The following RAD51C variants were observed in gnomAD, a reference collection of about 807,000 sequenced individuals.
The protein encoded by RAD51C is RAD51 paralog C, also known as DNA repair protein RAD51 homolog 3.
In RAD51C, 42 loss-of-function variants were observed where a neutral mutation model predicts 45.0. The observed-to-expected ratio is 0.93, with a 90% CI of 0.73 to 1.21. The LOEUF (loss-of-function observed/expected upper bound fraction) is 1.21, where lower values mean the gene tolerates loss of function less well. Ranked by LOEUF, RAD51C falls within the 50% of genes most tolerant of loss-of-function variation. RAD51C has a pLI of 0.00. For synonymous variants in RAD51C, 172 were observed against 159.8 expected (o/e 1.08, Z -0.58); for missense variants, 474 against 452.2 (o/e 1.05, Z -0.44).
chr17:58,730,378 C>T (rs2049373098), intron 7 of RAD51C, among the ~76,000 whole-genome samples: 1 of 150,646 alleles, frequency 6.6e-6, no homozygotes, highest in African/African-American at 2.4e-5. Flanking sequence ...GGGGTTTCAC[C>T]GTGTTGGCCA....
chr17:58,726,736 G>A (rs528156439), intron 7 of RAD51C, among the ~76,000 whole-genome samples: 67 of 152,134 alleles, frequency 4.4e-4, no homozygotes, highest in African/African-American at 1.5e-3. Flanking sequence ...TTGAAATAGT[G>A]TTACCAGATG....
chr17:58,704,430 G>A (rs979015218), intron 4 of RAD51C, among the ~76,000 whole-genome samples: 2 of 151,680 alleles, frequency 1.3e-5, no homozygotes, highest in South Asian at 2.1e-4. Flanking sequence ...GCGCCACAAC[G>A]CCTGGCTAAT....
rs373555932 is a variant in RAD51C, at chr17:58,706,350, G to A, written c.705+3021G>A. 15 of 181,458 alleles carry A rather than the reference G, an allele frequency of 8.3e-5. No individual in the cohort carries two copies. The South Asian group carries it at 1.0e-3, about 12-fold the overall frequency. 11.2% of individuals were successfully genotyped at this position (181,458 alleles called of 1,614,324 possible). A position where few individuals can be genotyped will look rare whatever the true frequency, so the allele number is the denominator to read the frequency against. ...GCTGAGGCAGAAGAATCACTTCAAC[G>A]CAGGAGGCAGAGGAGATTGCAGTGA... On this transcript the variant is annotated intron_variant, in intron 4 of 8. Coordinates refer to ENST00000337432, the MANE Select transcript of RAD51C (RefSeq NM_058216.3).
chr17:58,699,271 G>T (rs1317462897), intron 3 of RAD51C, among the ~76,000 whole-genome samples: 2 of 152,132 alleles, frequency 1.3e-5, no homozygotes, highest in East Asian at 3.9e-4. Context: ...CTCCCAAAGT[G>T]CTGGGATTAC....
intron 7 of RAD51C, among the ~76,000 whole-genome samples, chr17:58,728,348 T>A (rs796491114): frequency 6.6e-6 from 1 of 152,130 alleles, no homozygotes; most frequent in African/African-American, 2.4e-5. Flanking sequence ...GAAAAATAGT[T>A]ATAAAAATGA....
chr17:58,723,325 C>CT (rs1276663767), intron 6 of RAD51C, among the ~76,000 whole-genome samples: 1 of 149,062 alleles, frequency 6.7e-6, no homozygotes, highest in Admixed American at 6.7e-5. Flanking sequence ...TTTTTTTGGT[C>CT]TTTTTTCTTT....
chr17:58,720,900 T>C, intron 6 of RAD51C, 88 bp downstream of exon 6: 2 of 1,087,026 alleles, frequency 1.8e-6, no homozygotes, highest in Non-Finnish European at 2.8e-6. Flanking sequence ...ATACGCTTCA[T>C]GAAAGCAGAC....
In RAD51C at chr17:58,734,310, AAC is replaced by A; in HGVS notation, c.*93_*94del. 6.5e-7 allele frequency: 1 copy of A among 1,549,488 alleles called. No homozygotes were observed. The highest frequency in any genetic ancestry group is 8.7e-7 in the Non-Finnish European group (1 of 1,144,212). On this transcript the variant is annotated 3_prime_UTR_variant, in exon 9 of 9. Transcript: ENST00000337432. ...GACTTGTTACCTTAAAGTATAAATA[AAC>A]ACACTATGGCATGAATGAATCCAGA...
intron 8 of RAD51C, 192 bp downstream of exon 8, chr17:58,732,736 T>C: frequency 1.7e-6 from 1 of 596,936 alleles, no homozygotes; most frequent in Non-Finnish European, 3.0e-6. Flanking sequence ...GACTGAAATT[T>C]ATTCTTAAGA....
At chr17:58,704,243 A>G (rs561777898) in intron 4 of RAD51C, among the ~76,000 whole-genome samples, 2 of 151,688 alleles carry the variant, frequency 1.3e-5, no homozygotes, top group East Asian at 3.9e-4. Flanking sequence ...CACCTTTGAT[A>G]TTTAAATCCT....
rs185057307 is a variant in RAD51C at position 58,724,057 on chromosome 17, G to A, written c.922G>A (p.Ala308Thr). The change falls in exon 7 of 9, where the codon GCT becomes ACT. Residue 308 changes from alanine to threonine, a missense_variant. Ala to Thr is a moderately conservative substitution (Grantham distance 58). Coordinates refer to ENST00000337432, the MANE Select transcript of RAD51C (RefSeq NM_058216.3). ...VPALGESWGH[A>T]ATIRLIFHWD... ...ACTCTCAGGGGAAAGTTGGGGACAT[G>A]CTGCTACAATACGGCTAATCTTTCA... 1 of 1,613,164 alleles carries A rather than the reference G, an allele frequency of 6.2e-7. No individual in the cohort carries two copies. The highest frequency in any genetic ancestry group is 1.3e-5 in the African/African-American group (1 of 74,902).
rs67254535 is a variant in RAD51C, at chr17:58,703,933, C to CTTTTTTTTT, written c.705+623_705+631dup. ...GAGCTACCGTGCCATCATGTATCAC[C>CTTTTTTTTT]TTTTTTTTTTTTTTTTTTTTTTTTT... On this transcript the variant is annotated intron_variant, in intron 4 of 8. Transcript: ENST00000337432. 1.1e-3 allele frequency among the ~76,000 whole-genome samples: 73 copies of CTTTTTTTTT among 66,524 alleles called. 9 individuals carry two copies. The highest frequency in any genetic ancestry group is 1.7e-3 in the Non-Finnish European group (54 of 32,594). The allele number at this position is 66,524 out of a possible 152,430, so 43.6% of individuals were successfully genotyped here. A position where few individuals can be genotyped will look rare whatever the true frequency, so the allele number is the denominator to read the frequency against.
rs192879171 is a variant in RAD51C at position 58,706,367 on chromosome 17, T to C, written c.705+3038T>C. ...ACTTCAACGCAGGAGGCAGAGGAGA[T>C]TGCAGTGACATGAGATCATGCCACT... On this transcript the variant is annotated intron_variant, in intron 4 of 8. Coordinates refer to ENST00000337432, the MANE Select transcript of RAD51C (RefSeq NM_058216.3). The C allele has an allele frequency of 7.1e-4, 155 of 216,846 alleles. 1 individual carries two copies. Among genetic ancestry groups the C allele is most frequent in the Non-Finnish European group, 1.2e-3 (115 of 97,906 alleles). 13.4% of individuals were successfully genotyped at this position (216,846 alleles called of 1,614,324 possible).
intron 6 of RAD51C, among the ~76,000 whole-genome samples, chr17:58,721,709 C>T (rs1356100871): frequency 1.3e-5 from 2 of 150,986 alleles, no homozygotes; most frequent in African/African-American, 2.4e-5. Context: ...CAGTAAGCCA[C>T]GGTCGCGCCA....
intron 1 of RAD51C, chr17:58,694,332 TA>T (rs775590837): frequency 1.2e-4 from 18 of 154,352 alleles, no homozygotes; most frequent in African/African-American, 4.1e-4. Context: ...AAAGGGATAG[TA>T]AAAATATGGT....
intron 5 of RAD51C, among the ~76,000 whole-genome samples, chr17:58,713,956 T>A (rs2048642921): frequency 6.6e-6 from 1 of 152,012 alleles, no homozygotes; most frequent in Non-Finnish European, 1.5e-5. Context: ...GTAGTTTTTT[T>A]AACCACCTCC....
intron 4 of RAD51C, among the ~76,000 whole-genome samples, chr17:58,707,809 C>T (rs2048424842): frequency 6.6e-6 from 1 of 152,058 alleles, no homozygotes; most frequent in African/African-American, 2.4e-5. Flanking sequence ...ACTAGAAGCT[C>T]AAGATAAGGT....
At chr17:58,719,717 G>C (rs1011515477) in intron 5 of RAD51C, among the ~76,000 whole-genome samples, 1 of 149,632 alleles carries the variant, frequency 6.7e-6, no homozygotes, top group Non-Finnish European at 1.5e-5. Flanking sequence ...TCTTTTTATG[G>C]GTGGATTTTT....
chr17:58,712,034 C>G (rs2048572272), intron 5 of RAD51C, among the ~76,000 whole-genome samples: 1 of 150,780 alleles, frequency 6.6e-6, no homozygotes, highest in South Asian at 2.1e-4. Context: ...GACCCCATCT[C>G]TAAAAAAAAA....
Sources: gnomAD v4.1 joint callset for allele counts (sites outside exome capture counted in the v4.1 genomes callset) on GRCh38, gnomAD v4.1.1 for gene constraint, MANE v1.5 for transcripts, NCBI Gene and HGNC (gene_info 2026-07-23, HGNC 2026-07-21) for gene names.